Variants in CST3 observed in about 807,000 individuals in gnomAD.
CST3 encodes cystatin C.
In CST3, 14 loss-of-function variants were observed where a neutral mutation model predicts 9.0. The ratio of observed to expected loss-of-function variants is 1.56; its 90% CI spans 1.03 to 2.44. CST3 has a LOEUF of 2.44. Among genes scored for constraint, CST3 ranks in the 30% most tolerant of loss-of-function variants. The pLI, the probability that CST3 is intolerant of heterozygous loss-of-function variation, is 0.00. For missense variants in CST3, 237 were observed against 204.3 expected (o/e 1.16, Z -0.98); for synonymous variants, 96 against 90.2 (o/e 1.06, Z -0.37).
chr20:23,626,752 G>C (rs1979271881), exon 4 of CST3: 1 of 152,156 alleles, frequency 6.6e-6, no homozygotes, highest in East Asian at 1.9e-4. Flanking sequence ...GATTTCTTTA[G>C]ACTTCAATGT....
At chr20:23,636,966 C>T (rs950104419) in intron 1 of CST3, among the ~76,000 whole-genome samples, 2 of 152,102 alleles carry the variant, frequency 1.3e-5, no homozygotes, top group African/African-American at 2.4e-5. Context: ...GAAAAACACA[C>T]TGAAGTGTTT....
rs375692362 is a variant in CST3 at position 23,637,765 on chromosome 20, G to A, written c.98C>T (p.Pro33Leu). ...GTCCATGGGGCCTCCCACTAGGCGCGGCGGCTTGCCGGGACTGGAGCCGGC... is the reference window on the plus strand; with the variant it reads ...GTCCATGGGGCCTCCCACTAGGCGCAGCGGCTTGCCGGGACTGGAGCCGGC... ...PAAGSSPGKPPRLVGGPMDAS... is the reference protein window; with the variant it reads ...PAAGSSPGKPLRLVGGPMDAS... The change falls in exon 1 of 3, where the codon CCG (proline) becomes CTG (leucine). Residue 33 changes from proline (P) to leucine (L), a missense_variant. By Grantham distance (98) the Pro-to-Leu change is moderately conservative. Transcript: ENST00000376925. The A allele has an allele frequency of 5.9e-6, 9 of 1,529,688 alleles. No homozygotes were observed. The highest frequency in any genetic ancestry group is 2.0e-5 in the Admixed American group (1 of 49,162). The allele number at this position is 1,529,688 out of a possible 1,614,324, so 94.8% of individuals were successfully genotyped here.
rs1271549457 is a variant in CST3 at position 23,637,811 on chromosome 20, C to T, written c.52G>A (p.Ala18Thr). ...CCGGCCGCGGGGCTCACGGCCAGGG[C>T]CACGGCCAGGATGGCCAGCAGGAGC... The part of the protein sequence containing the change: ...PLLLLAILAV[A>T]LAVSPAAGSS... The change falls in exon 1 of 3, where the codon GCC (alanine) becomes ACC (threonine). Residue 18 changes from alanine (A) to threonine (T), a missense_variant. By Grantham distance (58) the Ala-to-Thr change is moderately conservative. Coordinates refer to ENST00000376925, the MANE Select transcript of CST3 (RefSeq NM_000099.4). 4 of 1,508,462 alleles carry T rather than the reference C, an allele frequency of 2.7e-6. No individual in the cohort carries two copies. The East Asian group carries it at 1.1e-4, about 42-fold the overall frequency. The allele number at this position is 1,508,462 out of a possible 1,614,324, so 93.4% of individuals were successfully genotyped here. A position where few individuals can be genotyped will look rare whatever the true frequency, so the allele number is the denominator to read the frequency against.
Position 23,635,195 on chromosome 20 carries a change from C to T in CST3, c.357+59G>A, listed in dbSNP as rs572961309. 7.8e-6 allele frequency: 11 copies of T among 1,403,610 alleles called. No homozygotes were observed. In the South Asian group the frequency reaches 1.3e-4, roughly 16 times the overall value. The allele number at this position is 1,403,610 out of a possible 1,614,324, so 86.9% of individuals were successfully genotyped here. A position where few individuals can be genotyped will look rare whatever the true frequency, so the allele number is the denominator to read the frequency against. On this transcript the variant is annotated intron_variant, in intron 2 of 2. Transcript: ENST00000376925. ...AGAACATGTGCATCACACACACACA[C>T]ACACACACACACCCCTCTGCAGTGT...
At chr20:23,632,439 G>T (rs1979483679), downstream of CST3, 1 of 152,388 alleles carries the variant, frequency 6.6e-6, no homozygotes, top group Non-Finnish European at 1.5e-5. Flanking sequence ...CCAGCAGGGT[G>T]AGGCCCAGAC....
At chr20:23,636,960 AAC>A (rs1056419282) in intron 1 of CST3, among the ~76,000 whole-genome samples, 52 of 152,316 alleles carry the variant, frequency 3.4e-4, no homozygotes, top group Non-Finnish European at 5.4e-4. Context: ...TTTTAGGAAA[AAC>A]ACACTGAAGT....
Position 23,637,722 on chromosome 20 carries a change from C to T in CST3, c.141G>A (p.Glu47=), listed in dbSNP as rs1046602085. The T allele has an allele frequency of 3.2e-6, 5 of 1,543,700 alleles. No individual in the cohort carries two copies. The highest frequency in any genetic ancestry group is 2.8e-5 in the African/African-American group (2 of 71,328). The part of the protein sequence containing the change: ...GGPMDASVEE[E]GVRRALDFAV... ...CAAAGTCCAGTGCACGCCGCACACC[C>T]TCCTCCTCCACGCTGGCGTCCATGG... The change falls in exon 1 of 3, where the codon GAG becomes GAA. Residue 47 remains glutamate (E), a synonymous_variant. Coordinates refer to ENST00000376925, the MANE Select transcript of CST3 (RefSeq NM_000099.4).
intron 2 of CST3, among the ~76,000 whole-genome samples, chr20:23,634,670 C>A (rs892731767): frequency 6.6e-6 from 1 of 152,108 alleles, no homozygotes; most frequent in Non-Finnish European, 1.5e-5. Context: ...CTGCTTCCTG[C>A]AGTCCAGTAG....
chr20:23,637,790 C>T lies in CST3; in HGVS notation c.73G>A (p.Ala25Thr), dbSNP rs1064039. ...GGCGGCTTGCCGGGACTGGAGCCGG[C>T]CGCGGGGCTCACGGCCAGGGCCACG... The part of the protein sequence containing the change: ...LAVALAVSPA[A>T]GSSPGKPPRL... Residue 25 changes from alanine (A) to threonine (T), a missense_variant, in exon 1 of 3, where the codon GCC becomes ACC. Physicochemically the swap from Ala to Thr is moderately conservative, Grantham distance 58. Coordinates refer to ENST00000376925, the MANE Select transcript of CST3 (RefSeq NM_000099.4). The T allele has an allele frequency of 0.21, 323,047 of 1,523,760 alleles. 35,388 individuals carry two copies. Among genetic ancestry groups the T allele is most frequent in the South Asian group, 0.29 (23,972 of 81,406 alleles). 94.4% of individuals were successfully genotyped at this position (1,523,760 alleles called of 1,614,324 possible). A position where few individuals can be genotyped will look rare whatever the true frequency, so the allele number is the denominator to read the frequency against.
chr20:23,637,067 A>C (rs967792768), intron 1 of CST3, among the ~76,000 whole-genome samples: 1 of 152,216 alleles, frequency 6.6e-6, no homozygotes, highest in Admixed American at 6.5e-5. Context: ...GGGAACAAAC[A>C]GGGCAAAATG....
intron 2 of CST3, among the ~76,000 whole-genome samples, chr20:23,634,870 CATCT>C (rs1172856467): frequency 1.3e-5 from 2 of 152,104 alleles, no homozygotes; most frequent in Non-Finnish European, 2.9e-5. Context: ...CTCCCTCATA[CATCT>C]ATCTACCCAC....
intron 1 of CST3, 49 bp downstream of exon 1, chr20:23,637,571 C>T: frequency 6.9e-7 from 1 of 1,440,660 alleles, no homozygotes; most frequent in East Asian, 2.9e-5. Context: ...CGGGGGGAGG[C>T]TGGGACGGCG....
At chr20:23,634,759 T>C (rs145279791) in intron 2 of CST3, among the ~76,000 whole-genome samples, 4 of 151,994 alleles carry the variant, frequency 2.6e-5, no homozygotes, top group African/African-American at 9.7e-5. Flanking sequence ...ATCAAATTCA[T>C]CACTCCTCTC....
chr20:23,637,937 G>C lies in CST3; in HGVS notation c.-75C>G. On this transcript the variant is annotated 5_prime_UTR_variant, in exon 1 of 3. It adds an upstream start codon to the 5' untranslated region. Transcript: ENST00000376925. The stretch of plus-strand genomic sequence containing the variant: ...GAGCTAGATAGAGAGGACCCGCTGC[G>C]ATACCGAGGCGAGGCCGTGAGCCCC... 2 of 1,266,874 alleles carry C rather than the reference G, an allele frequency of 1.6e-6. No individual in the cohort carries two copies. Among genetic ancestry groups the C allele is most frequent in the South Asian group, 2.1e-5 (1 of 47,956 alleles). The allele number at this position is 1,266,874 out of a possible 1,614,324, so 78.5% of individuals were successfully genotyped here. A position where few individuals can be genotyped will look rare whatever the true frequency, so the allele number is the denominator to read the frequency against.
chr20:23,626,819 G>C (rs928505897), exon 4 of CST3: 11 of 152,348 alleles, frequency 7.2e-5, no homozygotes, highest in Non-Finnish European at 1.6e-4. Context: ...CTGGGAATGA[G>C]ACGATGGGGG....
At chr20:23,629,975 G>A (rs981132311), downstream of CST3, among the ~76,000 whole-genome samples, 2 of 152,184 alleles carry the variant, frequency 1.3e-5, no homozygotes, top group Non-Finnish European at 2.9e-5. Context: ...GGAAATCAAG[G>A]GCTACACGTT....
intron 1 of CST3, among the ~76,000 whole-genome samples, chr20:23,636,976 T>C (rs1979700863): frequency 6.6e-6 from 1 of 152,058 alleles, no homozygotes; most frequent in East Asian, 1.9e-4. Context: ...CTGAAGTGTT[T>C]ACTTTCAAAA....
chr20:23,633,762 C>A lies in CST3; in HGVS notation c.*154G>T, dbSNP rs1979540008. The A allele has an allele frequency of 2.7e-6, 2 of 730,110 alleles. No homozygotes were observed. Among genetic ancestry groups the A allele is most frequent in the South Asian group, 3.0e-5 (2 of 67,490 alleles). The allele number at this position is 730,110 out of a possible 1,614,324, so 45.2% of individuals were successfully genotyped here. A position where few individuals can be genotyped will look rare whatever the true frequency, so the allele number is the denominator to read the frequency against. ...GAGGGCAGAGCCCCTTGCTGAGCAA[C>A]AAAGGCCGCCTGCTGCCTTCTCTGT... is the stretch of plus-strand genomic sequence containing the variant. On this transcript the variant is annotated 3_prime_UTR_variant, in exon 3 of 3. Transcript: ENST00000376925.
downstream of CST3, chr20:23,631,840 T>C (rs1338810008): frequency 2.0e-5 from 3 of 152,246 alleles, no homozygotes; most frequent in African/African-American, 4.8e-5. Flanking sequence ...ACTTACTGTG[T>C]TTATTCAGAG....
Sources: gnomAD v4.1 joint callset for allele counts (sites outside exome capture counted in the v4.1 genomes callset) on GRCh38, gnomAD v4.1.1 for gene constraint, MANE v1.5 for transcripts, NCBI Gene and HGNC (gene_info 2026-07-23, HGNC 2026-07-21) for gene names.